Variants in BBX observed in about 807,000 individuals in gnomAD.
The protein encoded by BBX is HMG box transcription factor BBX.
Under a neutral mutation model 100.2 loss-of-function variants are expected in BBX, and 30 were observed. That is an observed-to-expected ratio of 0.30 (90% confidence interval 0.22 to 0.41). The LOEUF is 0.41. BBX is among the 10% of genes least tolerant of loss of function. The pLI is 1.00. For synonymous variants in BBX, 376 were observed against 388.1 expected (o/e 0.97, Z 0.37); for missense variants, 1,023 against 1,129.8 (o/e 0.91, Z 1.35).
chr3:107,781,815 A>T (rs1026230673), intron 13 of BBX, among the ~76,000 whole-genome samples: 13 of 151,978 alleles, frequency 8.6e-5, no homozygotes, highest in African/African-American at 3.1e-4. Flanking sequence ...TCCTTCTTAT[A>T]TTTTTTCAAT....
rs759476047 is a variant in BBX, at chr3:107,716,590, GT to G, written c.163-12del. On this transcript the variant is annotated splice_polypyrimidine_tract_variant and intron_variant, in intron 4 of 17. Coordinates refer to ENST00000325805, the MANE Select transcript of BBX (RefSeq NM_001142568.3). ...CAAAATATGTTAAAGATCTGGCTTT[GT>G]TTTTGGTGGTAATAGGTTCAACTTC... is the stretch of plus-strand genomic sequence containing the variant. 1 of 1,607,860 alleles carries G rather than the reference GT, an allele frequency of 6.2e-7. No individual in the cohort carries two copies. The highest frequency in any genetic ancestry group is 1.7e-5 in the Admixed American group (1 of 59,754).
chr3:107,701,710 T>C (rs980681384), intron 3 of BBX, among the ~76,000 whole-genome samples: 3 of 152,198 alleles, frequency 2.0e-5, no homozygotes, highest in Non-Finnish European at 4.4e-5. Context: ...GCCAATGTCA[T>C]GCTTATGTTC....
chr3:107,671,966 G>A (rs892368228), intron 3 of BBX, among the ~76,000 whole-genome samples: 1 of 151,960 alleles, frequency 6.6e-6, no homozygotes, highest in Admixed American at 6.6e-5. Context: ...GATCAACATG[G>A]TTTAGAAAAG....
intron 7 of BBX, among the ~76,000 whole-genome samples, chr3:107,739,849 A>G (rs2063932825): frequency 6.6e-6 from 1 of 152,182 alleles, no homozygotes; most frequent in Non-Finnish European, 1.5e-5. Flanking sequence ...CAAATGAGGA[A>G]ACTGAGGCAG....
chr3:107,638,344 G>A (rs934783653), intron 2 of BBX, among the ~76,000 whole-genome samples: 1 of 152,138 alleles, frequency 6.6e-6, no homozygotes, highest in African/African-American at 2.4e-5. Context: ...CGTGAGCCAT[G>A]GAGCCCAGCC....
chr3:107,765,450 GGTGTGTATGTGTGTGTGT>G (rs1023960392), intron 10 of BBX, among the ~76,000 whole-genome samples: 42 of 151,424 alleles, frequency 2.8e-4, no homozygotes, highest in African/African-American at 9.7e-4. Context: ...GGTGGGTGTG[GGTGTGTATGTGTGTGTGT>G]GTGTGTATGT....
At chr3:107,796,244 C>T (rs1192155625) in intron 15 of BBX, among the ~76,000 whole-genome samples, 1 of 152,224 alleles carries the variant, frequency 6.6e-6, no homozygotes, top group Admixed American at 6.5e-5. Flanking sequence ...AGTCATCTTT[C>T]CCAACCGACT....
chr3:107,794,579 C>T (rs1362536844), intron 15 of BBX, among the ~76,000 whole-genome samples: 2 of 152,148 alleles, frequency 1.3e-5, no homozygotes, highest in African/African-American at 4.8e-5. Context: ...CAATCTAACT[C>T]GATCTCTTTT....
intron 10 of BBX, among the ~76,000 whole-genome samples, chr3:107,765,857 C>G (rs1269631413): frequency 1.3e-5 from 2 of 152,040 alleles, no homozygotes; most frequent in Non-Finnish European, 2.9e-5. Flanking sequence ...CATAGCTGTT[C>G]CCAGGTTTTG....
At chr3:107,620,971 T>C (rs2107689157) in intron 2 of BBX, among the ~76,000 whole-genome samples, 1 of 150,952 alleles carries the variant, frequency 6.6e-6, no homozygotes, top group Middle Eastern at 3.4e-3. Context: ...AAATCGGAGG[T>C]CACTACTTTT....
At chr3:107,797,341 T>TAC (rs1348755872) in intron 15 of BBX, among the ~76,000 whole-genome samples, 3 of 103,078 alleles carry the variant, frequency 2.9e-5, no homozygotes, top group Non-Finnish European at 5.6e-5. Flanking sequence ...CTTCCAAATA[T>TAC]ATATATATAT....
intron 1 of BBX, among the ~76,000 whole-genome samples, chr3:107,525,126 C>T (rs2047661814): frequency 6.7e-6 from 1 of 149,128 alleles, no homozygotes; most frequent in Admixed American, 6.7e-5. Context: ...TTGTAGGCAG[C>T]CAGCGGCCCA....
intron 10 of BBX, among the ~76,000 whole-genome samples, chr3:107,756,295 C>G (rs1050802294): frequency 6.6e-6 from 1 of 152,112 alleles, no homozygotes; most frequent in African/African-American, 2.4e-5. Flanking sequence ...CAATGGCTTT[C>G]TCTGCCAGGC....
intron 3 of BBX, among the ~76,000 whole-genome samples, chr3:107,697,524 G>C (rs2060710331): frequency 6.6e-6 from 1 of 151,916 alleles, no homozygotes; most frequent in Admixed American, 6.5e-5. Context: ...TCAGGGGTCA[G>C]GGACCCACTT....
rs1361056004 is a variant in BBX at position 107,617,896 on chromosome 3, C to T, written c.-83-27940C>T. Among the ~76,000 whole-genome samples the T allele has an allele frequency of 2.6e-5, 4 of 151,592 alleles. No homozygotes were observed. The East Asian group carries it at 7.7e-4, about 29-fold the overall frequency. ...GCCTTTTTTTTTCCTTGACTTATTG[C>T]ACTGGCTTGCACTTCCAGCACTATG... On this transcript the variant is annotated intron_variant, in intron 2 of 17. Coordinates refer to ENST00000325805, the MANE Select transcript of BBX (RefSeq NM_001142568.3).
chr3:107,602,223 T>C (rs1214183252), intron 2 of BBX, among the ~76,000 whole-genome samples: 1 of 152,250 alleles, frequency 6.6e-6, no homozygotes, highest in Non-Finnish European at 1.5e-5. Context: ...AATGTTGTTT[T>C]CATGCTGCTA....
At chr3:107,626,987 AG>A (rs1044161818) in intron 2 of BBX, among the ~76,000 whole-genome samples, 12 of 152,094 alleles carry the variant, frequency 7.9e-5, no homozygotes, top group African/African-American at 2.9e-4. Context: ...ATGACATTGC[AG>A]CTGGTATTTC....
At chr3:107,655,044 G>A (rs1428938104) in intron 3 of BBX, among the ~76,000 whole-genome samples, 1 of 152,010 alleles carries the variant, frequency 6.6e-6, no homozygotes, top group Non-Finnish European at 1.5e-5. Flanking sequence ...AGAAATGTCC[G>A]GCTTCAAACT....
chr3:107,726,175 CTAA>C (rs754027092), intron 5 of BBX, among the ~76,000 whole-genome samples: 1 of 151,974 alleles, frequency 6.6e-6, no homozygotes, highest in Non-Finnish European at 1.5e-5. Context: ...CAGCCTTCTC[CTAA>C]TAATCTCATC....
Sources: gnomAD v4.1 joint callset for allele counts (sites outside exome capture counted in the v4.1 genomes callset) on GRCh38, gnomAD v4.1.1 for gene constraint, MANE v1.5 for transcripts, NCBI Gene and HGNC (gene_info 2026-07-23, HGNC 2026-07-21) for gene names.